Variants in NNMT observed in about 807,000 individuals in gnomAD.
The protein encoded by NNMT is nicotinamide N-methyltransferase.
NNMT carries 10 observed loss-of-function variants against 11.7 expected under a neutral mutation model. That is an observed-to-expected ratio of 0.85 (90% CI 0.53 to 1.45). The LOEUF is 1.45. Among genes scored for constraint, NNMT ranks in the 40% most tolerant of loss-of-function variants. NNMT has a pLI of 0.00. For synonymous variants in NNMT, 143 were observed against 133.8 expected, an observed-to-expected ratio of 1.07 and a Z score of -0.48; for missense variants, 381 against 319.4, an observed-to-expected ratio of 1.19 and a Z score of -1.47.
chr11:114,298,313 T>G, intron 2 of NNMT, 155 bp downstream of exon 2: 2 of 637,626 alleles, frequency 3.1e-6, no homozygotes, highest in South Asian at 3.9e-5. Flanking sequence ...CCCATGTGTG[T>G]GCATGTTAGT....
chr11:114,269,158 G>T (rs1945149219), intron 2 of NNMT, among the ~76,000 whole-genome samples: 2 of 152,180 alleles, frequency 1.3e-5, no homozygotes, highest in African/African-American at 4.8e-5. Context: ...TTTAGCTCCA[G>T]ACTCTGTGCT....
intron 2 of NNMT, among the ~76,000 whole-genome samples, chr11:114,299,842 G>C (rs1945420852): frequency 1.3e-5 from 2 of 151,086 alleles, no homozygotes. Flanking sequence ...ATGTCTGTAG[G>C]ATCTGTAGTG....
At chr11:114,295,096 T>C (rs1018748669), upstream of NNMT, among the ~76,000 whole-genome samples, 1 of 152,244 alleles carries the variant, frequency 6.6e-6, no homozygotes, top group Non-Finnish European at 1.5e-5. Context: ...AAGTGGGGTA[T>C]GCAGGTCAGC....
chr11:114,274,662 A>G (rs551704010), intron 2 of NNMT, among the ~76,000 whole-genome samples: 4 of 152,356 alleles, frequency 2.6e-5, no homozygotes, highest in African/African-American at 9.6e-5. Context: ...AGTGAGTTCT[A>G]TAAAGCCCCA....
At chr11:114,264,076 G>A (rs1378076179) in intron 2 of NNMT, among the ~76,000 whole-genome samples, 1 of 151,926 alleles carries the variant, frequency 6.6e-6, no homozygotes, top group African/African-American at 2.4e-5. Flanking sequence ...CCTCCTCTTG[G>A]GCTCTGGATC....
intron 2 of NNMT, among the ~76,000 whole-genome samples, chr11:114,281,903 A>C (rs1945265774): frequency 6.6e-6 from 1 of 152,338 alleles, no homozygotes; most frequent in East Asian, 1.9e-4. Flanking sequence ...CTGTGCCTGA[A>C]CAAGTGACTC....
chr11:114,268,346 C>T (rs905561213), intron 2 of NNMT, among the ~76,000 whole-genome samples: 1 of 152,140 alleles, frequency 6.6e-6, no homozygotes, highest in African/African-American at 2.4e-5. Context: ...TACAGTCCTC[C>T]CACTTGTTCA....
chr11:114,267,693 C>T (rs892708637), intron 2 of NNMT, among the ~76,000 whole-genome samples: 2 of 152,128 alleles, frequency 1.3e-5, no homozygotes, highest in Non-Finnish European at 2.9e-5. Flanking sequence ...TTCTGTCTTT[C>T]GTTTCTTTTT....
intron 2 of NNMT, among the ~76,000 whole-genome samples, chr11:114,281,187 C>A (rs6589422): frequency 6.6e-6 from 1 of 151,904 alleles, no homozygotes; most frequent in African/African-American, 2.4e-5. Context: ...TTAAAACCCA[C>A]GAAGCTGGGG....
chr11:114,266,015 C>A (rs1945117132), intron 2 of NNMT, among the ~76,000 whole-genome samples: 1 of 152,086 alleles, frequency 6.6e-6, no homozygotes, highest in Non-Finnish European at 1.5e-5. Context: ...ATGCTTGAAG[C>A]CTTTTCCAGT....
chr11:114,311,369 G>A (rs544148161), intron 2 of NNMT, among the ~76,000 whole-genome samples: 2 of 152,316 alleles, frequency 1.3e-5, no homozygotes, highest in African/African-American at 4.8e-5. Flanking sequence ...ACATGCCATT[G>A]ATTTGGCAGA....
At chr11:114,271,149 A>G (rs1945166612) in intron 2 of NNMT, among the ~76,000 whole-genome samples, 1 of 152,216 alleles carries the variant, frequency 6.6e-6, no homozygotes, top group Non-Finnish European at 1.5e-5. Context: ...CAACATATGA[A>G]TTTTGGGAGT....
At position 114,287,680 on chromosome 11, in the gene NNMT, C is replaced by A. The variant is rs11825112; in HGVS notation, c.-129-8748C>A. Among the ~76,000 whole-genome samples the A allele has an allele frequency of 7.8e-3, 1,182 of 152,224 alleles. 13 individuals carry two copies. Among genetic ancestry groups the A allele is most frequent in the African/African-American group, 0.027 (1,127 of 41,544 alleles). ...AGTATTTATATCTGGTAGAGCAAGTCCTCCCACCTTATTTTTCTTCTTTAA... is the reference window on the plus strand; with the variant it reads ...AGTATTTATATCTGGTAGAGCAAGTACTCCCACCTTATTTTTCTTCTTTAA... On this transcript the variant is annotated intron_variant, in intron 2 of 4. Transcript: ENST00000535401.
chr11:114,308,260 T>TA, intron 2 of NNMT, among the ~76,000 whole-genome samples: 2 of 152,306 alleles, frequency 1.3e-5, no homozygotes, highest in South Asian at 4.1e-4. Context: ...CCTCCACGCT[T>TA]ACTTAGCCTT....
chr11:114,266,227 AC>A (rs910023566), intron 2 of NNMT, among the ~76,000 whole-genome samples: 2 of 151,366 alleles, frequency 1.3e-5, no homozygotes, highest in African/African-American at 4.9e-5. Context: ...CCCCCACCCC[AC>A]CTCGCTGTTT....
At chr11:114,262,441 T>G (rs1019048483) in intron 1 of NNMT, among the ~76,000 whole-genome samples, 3 of 152,072 alleles carry the variant, frequency 2.0e-5, no homozygotes, top group African/African-American at 7.2e-5. Context: ...CACTTATAAG[T>G]GAGAACATGC....
chr11:114,273,357 C>T (rs1477440445), intron 2 of NNMT, among the ~76,000 whole-genome samples: 1 of 152,132 alleles, frequency 6.6e-6, no homozygotes, highest in African/African-American at 2.4e-5. Context: ...CTCCTCACTG[C>T]CTTGTTCATT....
intron 2 of NNMT, among the ~76,000 whole-genome samples, chr11:114,281,211 T>A (rs1945260676): frequency 6.6e-6 from 1 of 152,142 alleles, no homozygotes; most frequent in Admixed American, 6.5e-5. Flanking sequence ...TAGGACCAAT[T>A]GCAGCAGATG....
At chr11:114,269,265 T>G (rs1945150257) in intron 2 of NNMT, among the ~76,000 whole-genome samples, 1 of 152,166 alleles carries the variant, frequency 6.6e-6, no homozygotes, top group Non-Finnish European at 1.5e-5. Context: ...TCTTACCCAT[T>G]TAACTTCTGT....
Sources: gnomAD v4.1 joint callset for allele counts (sites outside exome capture counted in the v4.1 genomes callset) on GRCh38, gnomAD v4.1.1 for gene constraint, MANE v1.5 for transcripts, NCBI Gene and HGNC (gene_info 2026-07-23, HGNC 2026-07-21) for gene names.